The following ADD3 variants were observed in gnomAD, a reference collection of about 807,000 sequenced individuals.
ADD3 encodes the protein gamma-adducin.
In ADD3, 25 loss-of-function variants were observed where a neutral mutation model predicts 80.2. The observed-to-expected ratio is 0.31, with a 90% CI of 0.23 to 0.44. The LOEUF (loss-of-function observed/expected upper bound fraction) is 0.44. ADD3 is among the 20% of genes least tolerant of loss of function. The pLI, the probability that ADD3 is intolerant of heterozygous loss-of-function variation, is 1.00. For synonymous variants in ADD3, 284 were observed against 289.6 expected (o/e 0.98, Z 0.20); for missense variants, 829 against 847.5 (o/e 0.98, Z 0.27).
At chr10:110,114,574 A>G (rs953812230) in intron 3 of ADD3, among the ~76,000 whole-genome samples, 1 of 152,200 alleles carries the variant, frequency 6.6e-6, no homozygotes, top group African/African-American at 2.4e-5. Flanking sequence ...AACAGTCATG[A>G]AATGTGGTGA....
At chr10:109,998,272 A>G (rs1851418659) in intron 1 of ADD3, among the ~76,000 whole-genome samples, 1 of 152,172 alleles carries the variant, frequency 6.6e-6, no homozygotes, top group African/African-American at 2.4e-5. Flanking sequence ...CCATCAAGAC[A>G]CTAAGGTCAA....
intron 13 of ADD3, 55 bp from the exon 14 acceptor site, chr10:110,132,250 C>G (rs1466381993): frequency 2.3e-6 from 3 of 1,311,106 alleles, no homozygotes; most frequent in Non-Finnish European, 2.2e-6. Context: ...TCCCTAAAAT[C>G]ATATGCTGCT....
At chr10:110,031,202 G>A (rs1465071330) in intron 1 of ADD3, among the ~76,000 whole-genome samples, 8 of 152,210 alleles carry the variant, frequency 5.3e-5, no homozygotes, top group African/African-American at 1.9e-4. Flanking sequence ...TGAACCCGGA[G>A]GGGGAGGTTG....
chr10:110,005,340 G>A (rs527431735), upstream of ADD3, among the ~76,000 whole-genome samples: 37 of 152,252 alleles, frequency 2.4e-4, no homozygotes, highest in African/African-American at 8.2e-4. Flanking sequence ...GATTACAGGC[G>A]TGAGCCACCA....
intron 1 of ADD3, among the ~76,000 whole-genome samples, chr10:110,081,692 G>A (rs1352493854): frequency 6.6e-6 from 1 of 152,072 alleles, no homozygotes; most frequent in Admixed American, 6.5e-5. Flanking sequence ...AAAACTGTTG[G>A]AATTATTGTG....
At chr10:110,112,243 C>G (rs12246935) in intron 2 of ADD3, 1 of 152,488 alleles carries the variant, frequency 6.6e-6, no homozygotes. Flanking sequence ...GCCTCAGCCT[C>G]CTGAGTAGCT....
intron 1 of ADD3, among the ~76,000 whole-genome samples, chr10:110,028,563 T>G (rs1013853645): frequency 6.6e-6 from 1 of 152,072 alleles, no homozygotes; most frequent in African/African-American, 2.4e-5. Flanking sequence ...AGATTCCGTC[T>G]CAAAACAAAA....
rs971697148 is a variant in ADD3, at chr10:110,117,482, C to T, written c.567+60C>T. The T allele has an allele frequency of 6.8e-6, 7 of 1,029,916 alleles. No homozygotes were observed. In the Admixed American group the frequency reaches 1.2e-4, roughly 18 times the overall value. The allele number at this position is 1,029,916 out of a possible 1,614,324, so 63.8% of individuals were successfully genotyped here. ...GCTTTCTTTGGCTTTTCTGACAGTT[C>T]TTAGCTTTTAGCACAGGACAGAATA... On this transcript the variant is annotated intron_variant, in intron 5 of 14. Transcript: ENST00000356080.
At chr10:110,060,088 T>C (rs1355280275) in intron 1 of ADD3, among the ~76,000 whole-genome samples, 1 of 152,196 alleles carries the variant, frequency 6.6e-6, no homozygotes, top group Non-Finnish European at 1.5e-5. Flanking sequence ...AACATTTATG[T>C]TTTTTAGACT....
intron 1 of ADD3, among the ~76,000 whole-genome samples, chr10:110,058,475 C>T (rs532328299): frequency 1.2e-3 from 186 of 152,260 alleles, no homozygotes; most frequent in African/African-American, 4.0e-3. Flanking sequence ...ATCTGATTGA[C>T]GAGATGGTGA....
chr10:110,052,718 A>T (rs904620229), intron 1 of ADD3, among the ~76,000 whole-genome samples: 4 of 152,234 alleles, frequency 2.6e-5, no homozygotes, highest in African/African-American at 2.4e-5. Flanking sequence ...AGCTTATATC[A>T]AAAATGTAAA....
In ADD3 at chr10:110,133,515, C is replaced by T. The variant is rs1363872063; in HGVS notation, c.2018C>T (p.Ser673Leu). ...KSPEKIEEVL[S>L]PEGSPSKSPS... The stretch of plus-strand genomic sequence containing the variant: ...CCAGAGAAAATCGAAGAAGTCCTGT[C>T]ACCTGAAGGCTCCCCTTCAAAATCG... The change falls in exon 15 of 15, where the codon TCA becomes TTA. Residue 673 changes from serine to leucine, a missense_variant. Ser to Leu is a moderately radical substitution (Grantham distance 145). Coordinates refer to ENST00000356080, the MANE Select transcript of ADD3 (RefSeq NM_016824.5). 6.2e-7 allele frequency: 1 copy of T among 1,613,302 alleles called. No individual in the cohort carries two copies. Among genetic ancestry groups the T allele is most frequent in the Admixed American group, 1.7e-5 (1 of 59,982 alleles).
chr10:110,058,931 C>T (rs184869059), intron 1 of ADD3, among the ~76,000 whole-genome samples: 1 of 152,296 alleles, frequency 6.6e-6, no homozygotes, highest in East Asian at 1.9e-4. Flanking sequence ...ACAACACTGT[C>T]TTCCTTCTTT....
chr10:110,096,821 G>A lies in ADD3; in HGVS notation c.-29-3804G>A, dbSNP rs568928654. ...AAAAAGTAGATCGCAGGGAAGCATG[G>A]AAGAATTCTTGAGGCCGTCTTTGAA... On this transcript the variant is annotated intron_variant, in intron 1 of 14. Coordinates refer to ENST00000356080, the MANE Select transcript of ADD3 (RefSeq NM_016824.5). Among the ~76,000 whole-genome samples the A allele has an allele frequency of 2.4e-4, 36 of 152,296 alleles. 1 individual carries two copies. Among genetic ancestry groups the A allele is most frequent in the Middle Eastern group, 3.4e-3 (1 of 294 alleles).
rs143992663 is a variant in ADD3 at position 110,031,065 on chromosome 10, C to T, written c.-30+22766C>T. On this transcript the variant is annotated intron_variant, in intron 1 of 14. Coordinates refer to ENST00000356080, the MANE Select transcript of ADD3 (RefSeq NM_016824.5). Reference sequence around the variant, plus strand: ...CCGAGGCAGGTGGATCACCTGAGGTCGGGAGTTCGAGACCAGCTGACTAAC... The same window carrying T: ...CCGAGGCAGGTGGATCACCTGAGGTTGGGAGTTCGAGACCAGCTGACTAAC... 4.6e-3 allele frequency among the ~76,000 whole-genome samples: 698 copies of T among 152,212 alleles called. 8 individuals are homozygous for T. The highest frequency in any genetic ancestry group is 0.015 in the African/African-American group (630 of 41,558).
chr10:110,078,560 C>T (rs1243621847), intron 1 of ADD3, among the ~76,000 whole-genome samples: 1 of 152,162 alleles, frequency 6.6e-6, no homozygotes, highest in African/African-American at 2.4e-5. Context: ...GGCCAACCTC[C>T]TGCCACAAGT....
intron 10 of ADD3, among the ~76,000 whole-genome samples, chr10:110,124,602 A>G (rs902210964): frequency 6.6e-6 from 1 of 152,142 alleles, no homozygotes; most frequent in Admixed American, 6.5e-5. Context: ...TGTCCACTAC[A>G]TGATACTGCT....
chr10:110,058,402 C>G (rs904712706), intron 1 of ADD3, among the ~76,000 whole-genome samples: 1 of 152,168 alleles, frequency 6.6e-6, no homozygotes, highest in African/African-American at 2.4e-5. Context: ...TTCCTTCTCT[C>G]GATTCTACAT....
At chr10:110,130,512 A>G (rs1260281980) in intron 13 of ADD3, 26 bp downstream of exon 13, 2 of 1,609,510 alleles carry the variant, frequency 1.2e-6, no homozygotes, top group African/African-American at 1.3e-5. Flanking sequence ...CATTCAACCT[A>G]GGGTAAGCCA....
Sources: gnomAD v4.1 joint callset for allele counts (sites outside exome capture counted in the v4.1 genomes callset) on GRCh38, gnomAD v4.1.1 for gene constraint, MANE v1.5 for transcripts, NCBI Gene and HGNC (gene_info 2026-07-23, HGNC 2026-07-21) for gene names.